The following TENM4 variants were observed in gnomAD, a reference collection of about 807,000 sequenced individuals.
TENM4 encodes the protein teneurin-4.
TENM4 carries 82 observed loss-of-function variants against 243.3 expected under a neutral mutation model. That is an observed-to-expected ratio of 0.34 (90% confidence interval 0.28 to 0.40). The LOEUF (loss-of-function observed/expected upper bound fraction) is 0.40, where lower values mean the gene tolerates loss of function less well. Ranked by LOEUF, TENM4 falls within the 10% of genes least tolerant of loss-of-function variation. TENM4 has a pLI of 1.00. For missense variants in TENM4, 3,138 were observed against 3,673.3 expected (o/e 0.85, Z 3.77); for synonymous variants, 1,412 against 1,456.3 (o/e 0.97, Z 0.69).
chr11:79,029,581 C>G (rs900833779), intron 6 of TENM4, among the ~76,000 whole-genome samples: 5 of 152,180 alleles, frequency 3.3e-5, no homozygotes, highest in African/African-American at 1.2e-4. Context: ...AACCCAAGAG[C>G]CCCTGGGGGA....
Position 79,136,516 on chromosome 11 carries a change from G to A in TENM4, c.-66+12194C>T, listed in dbSNP as rs920636729. 2.0e-5 allele frequency among the ~76,000 whole-genome samples: 3 copies of A among 152,142 alleles called. No individual in the cohort carries two copies. The South Asian group carries it at 6.2e-4, about 32-fold the overall frequency. ...CTGCTGAGTGCCCAATTTCCCAGCA[G>A]CAGAGAACAACACTGAGCTCTCAAT... On this transcript the variant is annotated intron_variant, in intron 4 of 33. Coordinates refer to ENST00000278550, the MANE Select transcript of TENM4 (RefSeq NM_001098816.3).
rs1268798403 is a variant in TENM4 at position 79,239,985 on chromosome 11, C to T, written c.-264-24076G>A. On this transcript the variant is annotated intron_variant, in intron 2 of 33. Transcript: ENST00000278550. ...AGCAGACATATGTGACATTATACTG[C>T]TGATTATCAAAGCCTTTCCAAACGC... is the stretch of plus-strand genomic sequence containing the variant. Among the ~76,000 whole-genome samples, 9 of 152,158 alleles carry T rather than the reference C, an allele frequency of 5.9e-5. No homozygotes were observed. In the East Asian group the frequency reaches 1.2e-3, roughly 20 times the overall value.
chr11:78,953,782 G>A (rs12578057), intron 6 of TENM4, among the ~76,000 whole-genome samples: 1 of 152,110 alleles, frequency 6.6e-6, no homozygotes, highest in African/African-American at 2.4e-5. Flanking sequence ...AGTATCCCTG[G>A]AGGTTGCTGT....
intron 6 of TENM4, among the ~76,000 whole-genome samples, chr11:78,932,401 C>T (rs1283762818): frequency 6.6e-6 from 1 of 152,138 alleles, no homozygotes; most frequent in Non-Finnish European, 1.5e-5. Context: ...CCGATTTGCC[C>T]TCTGGTGGGA....
At chr11:78,982,943 G>A (rs1857834240) in intron 6 of TENM4, among the ~76,000 whole-genome samples, 1 of 152,204 alleles carries the variant, frequency 6.6e-6, no homozygotes, top group African/African-American at 2.4e-5. Context: ...AGCTCTCGCA[G>A]TTACTGACCA....
intron 14 of TENM4, among the ~76,000 whole-genome samples, chr11:78,809,358 AGGGAAG>A (rs1857449948): frequency 1.3e-5 from 2 of 152,188 alleles, no homozygotes; most frequent in African/African-American, 4.8e-5. Flanking sequence ...GCATCTCAGG[AGGGAAG>A]GCAGCTCCCA....
chr11:79,197,992 C>T (rs1290475825), intron 3 of TENM4, among the ~76,000 whole-genome samples: 1 of 152,174 alleles, frequency 6.6e-6, no homozygotes, highest in Non-Finnish European at 1.5e-5. Flanking sequence ...TCTCCCACTC[C>T]TCCATGTGTG....
At chr11:78,673,565 G>C (rs76202515) in intron 30 of TENM4, among the ~76,000 whole-genome samples, 1 of 152,326 alleles carries the variant, frequency 6.6e-6, no homozygotes, top group Admixed American at 6.5e-5. Context: ...CTGCAACTTT[G>C]TGACCAACTT....
At chr11:78,751,046 A>G (rs138809255) in intron 19 of TENM4, among the ~76,000 whole-genome samples, 2,235 of 151,972 alleles carry the variant, frequency 0.015, 74 homozygotes, top group African/African-American at 0.052. Context: ...CACCTGGCTA[A>G]TTTTTTGTAT....
intron 3 of TENM4, among the ~76,000 whole-genome samples, chr11:79,201,434 T>C (rs542840801): frequency 7.9e-5 from 12 of 152,102 alleles, no homozygotes; most frequent in Non-Finnish European, 1.6e-4. Flanking sequence ...GGTTTCCTAC[T>C]TTTAAATGGA....
chr11:78,712,635 G>A lies in TENM4; in HGVS notation c.3901C>T (p.Arg1301Trp). The change falls in exon 26 of 34, where the codon CGG becomes TGG. Residue 1301 changes from arginine to tryptophan, a missense_variant. By Grantham distance (101) the Arg-to-Trp change is moderately radical. Coordinates refer to ENST00000278550, the MANE Select transcript of TENM4 (RefSeq NM_001098816.3). ...ACAGTGGACTTGATTTTAAAGACCC[G>A]CCGGCTGTTGCTGTCAGAAAGGAAG... ...AVFLSDSNSR[R>W]VFKIKSTVVV... The A allele has an allele frequency of 6.2e-7, 1 of 1,614,014 alleles. No individual in the cohort carries two copies. The highest frequency in any genetic ancestry group is 8.5e-7 in the Non-Finnish European group (1 of 1,179,898).
chr11:79,249,376 C>T (rs1178051789), intron 2 of TENM4, among the ~76,000 whole-genome samples: 1 of 152,162 alleles, frequency 6.6e-6, no homozygotes, highest in Non-Finnish European at 1.5e-5. Flanking sequence ...ATGCATTTTC[C>T]ATCATGCTTC....
intron 1 of TENM4, among the ~76,000 whole-genome samples, chr11:79,410,655 A>G (rs1447782249): frequency 6.6e-6 from 1 of 152,190 alleles, no homozygotes; most frequent in East Asian, 1.9e-4. Flanking sequence ...AAGAGCTGTG[A>G]CTTTGGGCAA....
rs374103376 is a variant in TENM4 at position 78,770,975 on chromosome 11, G to A, written c.2539+17C>T. On this transcript the variant is annotated intron_variant, in intron 18 of 33. Coordinates refer to ENST00000278550, the MANE Select transcript of TENM4 (RefSeq NM_001098816.3). ...CCCTCTGGAGCCGCCTGGAGCCCAT[G>A]GGTGCCAGAGCCCTACCTCCATCAT... is the stretch of plus-strand genomic sequence containing the variant. 67 of 1,574,022 alleles carry A rather than the reference G, an allele frequency of 4.3e-5. No individual in the cohort carries two copies. Among genetic ancestry groups the A allele is most frequent in the Non-Finnish European group, 5.1e-5 (59 of 1,159,676 alleles).
intron 1 of TENM4, among the ~76,000 whole-genome samples, chr11:79,346,400 A>G (rs1419667594): frequency 2.6e-5 from 4 of 152,104 alleles, no homozygotes; most frequent in Non-Finnish European, 5.9e-5. Flanking sequence ...GATGCTTATC[A>G]TGCTGTCTGG....
chr11:78,868,237 A>C (rs758429103), intron 9 of TENM4, among the ~76,000 whole-genome samples: 4 of 151,956 alleles, frequency 2.6e-5, no homozygotes, highest in Non-Finnish European at 5.9e-5. Flanking sequence ...AGGATTCTCT[A>C]TATGATACTC....
At chr11:79,326,075 C>G (rs1195479060) in intron 1 of TENM4, among the ~76,000 whole-genome samples, 1 of 152,204 alleles carries the variant, frequency 6.6e-6, no homozygotes, top group African/African-American at 2.4e-5. Flanking sequence ...GCGCCTTATC[C>G]CAGGAACATA....
Position 79,264,594 on chromosome 11 carries a change from G to GT in TENM4, c.-265+32893dup, listed in dbSNP as rs373082953. On this transcript the variant is annotated intron_variant, in intron 2 of 33. Transcript: ENST00000278550. ...TCAGTGTTGTTTGGGGAAAACATCA[G>GT]TGGGTTGGGATTAGGAGGCTGGTGT... 2.8e-3 allele frequency among the ~76,000 whole-genome samples: 430 copies of GT among 152,258 alleles called. 2 individuals carry two copies. The highest frequency in any genetic ancestry group is 9.6e-3 in the African/African-American group (399 of 41,534).
At chr11:79,129,132 A>C (rs573914779) in intron 4 of TENM4, among the ~76,000 whole-genome samples, 1 of 152,280 alleles carries the variant, frequency 6.6e-6, no homozygotes, top group Non-Finnish European at 1.5e-5. Context: ...TTGTGGGAGA[A>C]GTTTCTGACC....
Sources: allele counts gnomAD v4.1 joint callset (sites outside exome capture counted in the v4.1 genomes callset), GRCh38; gene constraint gnomAD v4.1.1; transcripts MANE v1.5; gene names NCBI Gene and HGNC (gene_info 2026-07-23, HGNC 2026-07-21).